Variants in SNRPN observed in about 807,000 individuals in gnomAD.
SNRPN encodes the protein small nuclear ribonucleoprotein-associated protein N.
SNRPN carries 7 observed loss-of-function variants against 25.2 expected under a neutral mutation model. The ratio of observed to expected loss-of-function variants is 0.28; its 90% CI spans 0.16 to 0.52. The LOEUF is 0.52. Among genes scored for constraint, SNRPN ranks in the 20% least tolerant of loss-of-function variants. SNRPN has a pLI of 0.96. For synonymous variants in SNRPN, 124 were observed against 110.6 expected (o/e 1.12, Z -0.76); for missense variants, 196 against 322.5 (o/e 0.61, Z 3.00).
intron 2 of SNRPN, among the ~76,000 whole-genome samples, chr15:24,896,741 T>C (rs927184860): frequency 1.3e-5 from 2 of 151,842 alleles, no homozygotes; most frequent in African/African-American, 4.8e-5. Flanking sequence ...AGGCCTTCCC[T>C]GATGTCAGGG....
At chr15:24,931,625 G>A (rs2060863351) in intron 3 of SNRPN, among the ~76,000 whole-genome samples, 1 of 151,548 alleles carries the variant, frequency 6.6e-6, no homozygotes, top group South Asian at 2.1e-4. Flanking sequence ...AATGGCTTGA[G>A]TTCTGGAGTT....
In SNRPN at chr15:24,910,488, AATTATT is replaced by A. The variant is rs948937851; in HGVS notation, c.-504-9511_-504-9506del. ...AGATCCCATCTCAAAAAAAAATGCT[AATTATT>A]ATTATTATTATCATTGAGATGGAGT... is the stretch of plus-strand genomic sequence containing the variant. On this transcript the variant is annotated intron_variant, in intron 2 of 11. Transcript: ENST00000400097. Among the ~76,000 whole-genome samples the A allele has an allele frequency of 7.9e-5, 12 of 151,744 alleles. No individual in the cohort carries two copies. The South Asian group carries it at 2.5e-3, about 32-fold the overall frequency.
At chr15:24,854,765 G>A (rs952761766), upstream of SNRPN, among the ~76,000 whole-genome samples, 1 of 152,182 alleles carries the variant, frequency 6.6e-6, no homozygotes, top group African/African-American at 2.4e-5. Flanking sequence ...CAGCACTTGA[G>A]GTTGAGGTGG....
intron 7 of SNRPN, 121 bp downstream of exon 7, chr15:24,977,150 A>T (rs757228865): frequency 1.7e-5 from 12 of 698,736 alleles, no homozygotes; most frequent in Middle Eastern, 7.9e-4. Context: ...TTTAGGAGGA[A>T]CCAAAACACA....
intron 1 of SNRPN, among the ~76,000 whole-genome samples, chr15:24,955,615 T>G (rs1247804546): frequency 7.5e-6 from 1 of 132,884 alleles, no homozygotes; most frequent in African/African-American, 2.9e-5. Context: ...GGGGGGGAAT[T>G]CGTCGCAGTG....
At chr15:24,908,423 A>G (rs1010482672) in intron 2 of SNRPN, among the ~76,000 whole-genome samples, 2 of 152,214 alleles carry the variant, frequency 1.3e-5, no homozygotes, top group Non-Finnish European at 2.9e-5. Flanking sequence ...ATGAAAAGCC[A>G]TAGAGAAAGC....
chr15:24,972,255 CAA>C (rs5811371), intron 3 of SNRPN, among the ~76,000 whole-genome samples: 22 of 108,196 alleles, frequency 2.0e-4, no homozygotes, highest in Middle Eastern at 5.0e-3. Context: ...GACTCTGTCT[CAA>C]AAAAAAAAAA....
chr15:24,933,268 AAAAAG>A (rs1220020938), intron 3 of SNRPN, among the ~76,000 whole-genome samples: 1 of 152,144 alleles, frequency 6.6e-6, no homozygotes, highest in Non-Finnish European at 1.5e-5. Flanking sequence ...TCAAAAAAAC[AAAAAG>A]AAAAGAAAAG....
At chr15:24,841,609 G>A (rs1037994133) in intron 2 of SNRPN, among the ~76,000 whole-genome samples, 7 of 152,200 alleles carry the variant, frequency 4.6e-5, no homozygotes, top group African/African-American at 1.7e-4. Context: ...GAGGGCTTCA[G>A]TAGGGACCTA....
intron 1 of SNRPN, among the ~76,000 whole-genome samples, chr15:24,875,981 C>A (rs1168605409): frequency 1.3e-5 from 2 of 149,936 alleles, no homozygotes; most frequent in Non-Finnish European, 3.0e-5. Flanking sequence ...TTGAACCTGG[C>A]AAGTGGAGGT....
intron 2 of SNRPN, chr15:24,909,697 AT>A: frequency 8.1e-7 from 1 of 1,241,428 alleles, no homozygotes; most frequent in Non-Finnish European, 1.2e-6. Context: ...TGTTGTATTT[AT>A]TTTTATCCTG....
intron 2 of SNRPN, among the ~76,000 whole-genome samples, chr15:24,919,084 C>T (rs148516885): frequency 2.4e-4 from 27 of 114,250 alleles, no homozygotes; most frequent in South Asian, 1.2e-3. Flanking sequence ...TATATATGTG[C>T]GCATATATAT....
chr15:24,915,499 G>A (rs1230786837), intron 2 of SNRPN, among the ~76,000 whole-genome samples: 2 of 152,106 alleles, frequency 1.3e-5, no homozygotes, highest in Admixed American at 1.3e-4. Flanking sequence ...GATGGGTGGA[G>A]GAGAAGCCTG....
At chr15:24,863,501 C>A (rs567097183) in intron 1 of SNRPN, among the ~76,000 whole-genome samples, 1 of 150,686 alleles carries the variant, frequency 6.6e-6, no homozygotes, top group African/African-American at 2.5e-5. Context: ...TGCTGACATT[C>A]TTACAAAATC....
At chr15:24,949,054 C>T (rs1222054206) in intron 3 of SNRPN, among the ~76,000 whole-genome samples, 2 of 114,060 alleles carry the variant, frequency 1.8e-5, no homozygotes, top group Non-Finnish European at 3.3e-5. Context: ...TAGAGTCTCA[C>T]TCTCTCACCT....
intron 1 of SNRPN, among the ~76,000 whole-genome samples, chr15:24,868,287 G>A (rs2054781226): frequency 6.6e-6 from 1 of 152,106 alleles, no homozygotes; most frequent in Non-Finnish European, 1.5e-5. Flanking sequence ...ATTTGAAAGG[G>A]AGTTTGAATT....
chr15:24,978,439 C>G lies in SNRPN; in HGVS notation c.718C>G (p.Pro240Ala). The part of the protein sequence containing the change: ...PPPPGMRPPR[P>A] ...TCCCCCAGGAATGCGTCCACCAAGA[C>G]CTTAGCATACTGTTGATCCATCTCA... Residue 240 changes from proline to alanine, a missense_variant, in exon 10 of 10, where the codon CCT (proline) becomes GCT (alanine). Physicochemically the swap from Pro to Ala is conservative, Grantham distance 27 (BLOSUM62 -1). Coordinates refer to ENST00000390687, the MANE Select transcript of SNRPN (RefSeq NM_003097.6). 6.2e-7 allele frequency: 1 copy of G among 1,613,598 alleles called. No homozygotes were observed. The highest frequency in any genetic ancestry group is 8.5e-7 in the Non-Finnish European group (1 of 1,179,782).
At chr15:24,848,213 G>GGGGGGCGGGGGC in intron 2 of SNRPN, 2 of 110,888 alleles carry the variant, frequency 1.8e-5, no homozygotes, top group Non-Finnish European at 4.3e-5. Context: ...GGACGGAGCT[G>GGGGGGCGGGGGC]GGGGGCGGGG....
intron 4 of SNRPN, 151 bp from the exon 5 acceptor site, chr15:24,975,207 A>G: frequency 1.5e-6 from 1 of 662,418 alleles, no homozygotes; most frequent in South Asian, 1.9e-5. Flanking sequence ...AGCCATACTA[A>G]ATATGGAAGA....
Sources: allele counts gnomAD v4.1 joint callset (sites outside exome capture counted in the v4.1 genomes callset), GRCh38; gene constraint gnomAD v4.1.1; transcripts MANE v1.5; gene names NCBI Gene and HGNC (gene_info 2026-07-23, HGNC 2026-07-21).